Variants in PRELID2 observed in about 807,000 individuals in gnomAD.
PRELID2 encodes the protein PRELI domain-containing protein 2.
In PRELID2, 25 loss-of-function variants were observed where a neutral mutation model predicts 28.4. The ratio of observed to expected loss-of-function variants is 0.88; its 90% CI spans 0.64 to 1.23. The LOEUF is 1.23. Ranked by LOEUF, PRELID2 falls within the 50% of genes most tolerant of loss-of-function variation. PRELID2 has a pLI of 0.00. For synonymous variants in PRELID2, 76 were observed against 71.6 expected (o/e 1.06, Z -0.31); for missense variants, 201 against 214.4 (o/e 0.94, Z 0.39).
chr5:145,314,416 A>G, the PRELID2 span, among the ~76,000 whole-genome samples: 3 of 152,182 alleles, frequency 2.0e-5, no homozygotes, highest in Admixed American at 2.0e-4. Flanking sequence ...AGAAAGAGCA[A>G]AGTCTGTTTC....
At chr5:145,629,415 G>A (rs1010325195) in intron 1 of PRELID2, among the ~76,000 whole-genome samples, 3 of 152,198 alleles carry the variant, frequency 2.0e-5, no homozygotes, top group Admixed American at 2.0e-4. Context: ...CAGATAAGGA[G>A]TGCTGGGTCC....
At chr5:145,456,403 C>T in the PRELID2 span, among the ~76,000 whole-genome samples, 1 of 152,162 alleles carries the variant, frequency 6.6e-6, no homozygotes, top group Non-Finnish European at 1.5e-5. Context: ...GGTTTTCACA[C>T]TTTAGAGCCT....
At chr5:145,232,618 G>A in the PRELID2 span, among the ~76,000 whole-genome samples, 1 of 152,100 alleles carries the variant, frequency 6.6e-6, no homozygotes, top group Non-Finnish European at 1.5e-5. Context: ...GTCTCAACTA[G>A]ACTGGCAACT....
At chr5:145,524,189 A>C (rs1034713534) in intron 1 of PRELID2, among the ~76,000 whole-genome samples, 2 of 152,160 alleles carry the variant, frequency 1.3e-5, no homozygotes, top group African/African-American at 4.8e-5. Context: ...CCATTTGTGT[A>C]TTAGGGACTG....
intron 4 of PRELID2, among the ~76,000 whole-genome samples, chr5:145,800,969 G>A (rs1753096509): frequency 6.6e-6 from 1 of 151,964 alleles, no homozygotes; most frequent in South Asian, 2.1e-4. Flanking sequence ...AAGACAAGAT[G>A]GATGGATGGA....
At chr5:145,656,357 A>G (rs1311731187) in intron 1 of PRELID2, among the ~76,000 whole-genome samples, 4 of 152,146 alleles carry the variant, frequency 2.6e-5, no homozygotes, top group Admixed American at 2.0e-4. Context: ...TTCCTCAATG[A>G]TCTAGAACTA....
At chr5:145,592,247 T>C (rs1482847875) in intron 1 of PRELID2, among the ~76,000 whole-genome samples, 1 of 152,070 alleles carries the variant, frequency 6.6e-6, no homozygotes, top group African/African-American at 2.4e-5. Flanking sequence ...AAACCCCGTT[T>C]CTACTAAAAA....
chr5:145,719,093 A>C (rs1453610630), intron 1 of PRELID2, among the ~76,000 whole-genome samples: 1 of 152,058 alleles, frequency 6.6e-6, no homozygotes, highest in Non-Finnish European at 1.5e-5. Context: ...AAGATTAACA[A>C]AAGTACAAAT....
At chr5:145,311,830 A>C in the PRELID2 span, among the ~76,000 whole-genome samples, 2 of 152,300 alleles carry the variant, frequency 1.3e-5, no homozygotes, top group East Asian at 3.9e-4. Context: ...TTCACACTTT[A>C]ATACAAATCT....
chr5:145,707,595 C>T (rs1297324422), intron 1 of PRELID2, among the ~76,000 whole-genome samples: 1 of 152,090 alleles, frequency 6.6e-6, no homozygotes, highest in Non-Finnish European at 1.5e-5. Context: ...ATTTTCTCCT[C>T]TCTGATTCAA....
chr5:145,416,223 G>A, the PRELID2 span, among the ~76,000 whole-genome samples: 43 of 151,986 alleles, frequency 2.8e-4, no homozygotes, highest in African/African-American at 9.6e-4. Context: ...TATGTAGAAA[G>A]CTGAAACTGG....
chr5:145,632,074 T>A (rs1753940115), intron 1 of PRELID2, among the ~76,000 whole-genome samples: 1 of 152,194 alleles, frequency 6.6e-6, no homozygotes, highest in African/African-American at 2.4e-5. Context: ...CCTTAAGGCC[T>A]ACCTAAGCAG....
chr5:145,498,569 G>A (rs1446954145), intron 1 of PRELID2, among the ~76,000 whole-genome samples: 1 of 152,020 alleles, frequency 6.6e-6, no homozygotes, highest in African/African-American at 2.4e-5. Context: ...TCACTCTGTT[G>A]CCTAGGATGG....
At chr5:145,334,237 A>C in the PRELID2 span, among the ~76,000 whole-genome samples, 3 of 152,202 alleles carry the variant, frequency 2.0e-5, no homozygotes, top group African/African-American at 7.2e-5. Flanking sequence ...GCCATCTGCT[A>C]AAAAATTATT....
At chr5:145,414,864 G>A in the PRELID2 span, among the ~76,000 whole-genome samples, 20 of 152,118 alleles carry the variant, frequency 1.3e-4, no homozygotes, top group African/African-American at 4.8e-4. Context: ...ATGTCCACAT[G>A]GGAGGATTCT....
chr5:145,491,254 G>T (rs530291896), intron 1 of PRELID2, among the ~76,000 whole-genome samples: 2 of 152,254 alleles, frequency 1.3e-5, no homozygotes, highest in African/African-American at 4.8e-5. Context: ...GCCTGGTAAG[G>T]CTATGCTTTC....
At chr5:145,437,844 C>T in the PRELID2 span, among the ~76,000 whole-genome samples, 814 of 152,178 alleles carry the variant, frequency 5.3e-3, 7 homozygotes, top group African/African-American at 0.019. Flanking sequence ...CTGGCATTTT[C>T]GCCCAAACAT....
Position 145,817,197 on chromosome 5 carries a change from AAATAAATAAATAAAT to A in PRELID2, c.368+682_368+696del, listed in dbSNP as rs1243395486. On this transcript the variant is annotated intron_variant, in intron 4 of 6. Coordinates refer to ENST00000683046, the MANE Select transcript of PRELID2 (RefSeq NM_205846.3). ...CAGAGCAAGACTGCATTTCAAAAAA[AAATAAATAAATAAAT>A]AAAAAAAAATATATATATATATATA... Among the ~76,000 whole-genome samples the A allele has an allele frequency of 1.0e-4, 9 of 90,236 alleles. No homozygotes were observed. The South Asian group carries it at 1.2e-3, about 12-fold the overall frequency. 59.2% of individuals were successfully genotyped at this position (90,236 alleles called of 152,430 possible).
chr5:145,766,714 T>C (rs1218974877), intron 5 of PRELID2, among the ~76,000 whole-genome samples: 1 of 151,982 alleles, frequency 6.6e-6, no homozygotes, highest in African/African-American at 2.4e-5. Flanking sequence ...GAGACCTGAG[T>C]TCTAGTCACA....
Sources: allele counts gnomAD v4.1 joint callset (sites outside exome capture counted in the v4.1 genomes callset), GRCh38; gene constraint gnomAD v4.1.1; transcripts MANE v1.5; gene names NCBI Gene and HGNC (gene_info 2026-07-23, HGNC 2026-07-21).